AGBL4: variants seen among roughly 807,000 people sequenced by gnomAD.
The protein encoded by AGBL4 is AGBL carboxypeptidase 4.
AGBL4 carries 58 observed loss-of-function variants against 66.4 expected under a neutral mutation model. The observed-to-expected ratio is 0.87, with a 90% CI of 0.71 to 1.09. The LOEUF is 1.09. AGBL4 is among the 50% of genes least tolerant of loss of function. The pLI, the probability that AGBL4 is intolerant of heterozygous loss-of-function variation, is 0.00. For synonymous variants in AGBL4, 234 were observed against 222.9 expected (o/e 1.05, Z -0.44); for missense variants, 579 against 631.0 (o/e 0.92, Z 0.88).
intron 1 of AGBL4, among the ~76,000 whole-genome samples, chr1:49,860,764 C>T (rs1325121520): frequency 1.3e-5 from 2 of 149,926 alleles, no homozygotes; most frequent in Non-Finnish European, 3.0e-5. Context: ...ATCCCCTTCC[C>T]CAGCAAAAAA....
intron 5 of AGBL4, among the ~76,000 whole-genome samples, chr1:49,002,415 C>T (rs899704909): frequency 6.6e-6 from 1 of 152,138 alleles, no homozygotes; most frequent in Admixed American, 6.5e-5. Flanking sequence ...CTTATTCTAT[C>T]GTAAAACTAA....
chr1:48,540,782 T>C (rs1408640595), intron 11 of AGBL4, among the ~76,000 whole-genome samples: 1 of 152,140 alleles, frequency 6.6e-6, no homozygotes, highest in Non-Finnish European at 1.5e-5. Flanking sequence ...CTTGAATGTT[T>C]TCACTTCTTT....
chr1:49,257,823 C>T (rs1191336177), intron 3 of AGBL4, among the ~76,000 whole-genome samples: 2 of 152,160 alleles, frequency 1.3e-5, no homozygotes, highest in East Asian at 1.9e-4. Flanking sequence ...TCCTCCAGCA[C>T]GGAGCTGGAG....
chr1:48,550,959 A>G (rs748700306), intron 11 of AGBL4, among the ~76,000 whole-genome samples: 1 of 152,220 alleles, frequency 6.6e-6, no homozygotes, highest in Non-Finnish European at 1.5e-5. Flanking sequence ...CTGCTATTGC[A>G]TTGTTCAGAT....
At chr1:49,902,379 G>C (rs951596824) in intron 1 of AGBL4, among the ~76,000 whole-genome samples, 1 of 152,152 alleles carries the variant, frequency 6.6e-6, no homozygotes, top group Non-Finnish European at 1.5e-5. Flanking sequence ...CAAAGGATAT[G>C]AACACTTTTC....
chr1:49,688,441 T>C (rs1186950303), intron 3 of AGBL4, among the ~76,000 whole-genome samples: 2 of 152,218 alleles, frequency 1.3e-5, no homozygotes, highest in South Asian at 2.1e-4. Context: ...TAGTACTCCA[T>C]TGTGTAGGTG....
At chr1:49,291,562 G>A (rs533144092) in intron 3 of AGBL4, among the ~76,000 whole-genome samples, 1 of 152,182 alleles carries the variant, frequency 6.6e-6, no homozygotes, top group Admixed American at 6.5e-5. Context: ...AGTATATCTG[G>A]TATTATTTCA....
chr1:49,359,885 G>A (rs1179705653), intron 3 of AGBL4, among the ~76,000 whole-genome samples: 1 of 152,028 alleles, frequency 6.6e-6, no homozygotes, highest in Non-Finnish European at 1.5e-5. Flanking sequence ...CGGTATCCTG[G>A]GACATAGTAC....
chr1:48,782,889 C>T (rs1451877490), intron 6 of AGBL4, among the ~76,000 whole-genome samples: 4 of 152,314 alleles, frequency 2.6e-5, no homozygotes, highest in East Asian at 3.9e-4. Flanking sequence ...ACTAACTTCA[C>T]TGTCTTAAAA....
intron 6 of AGBL4, among the ~76,000 whole-genome samples, chr1:48,765,077 A>G (rs1430190014): frequency 6.6e-6 from 1 of 151,974 alleles, no homozygotes; most frequent in African/African-American, 2.4e-5. Context: ...GCTTCCACTC[A>G]TCTCCTCCCT....
chr1:49,802,830 C>G (rs190950104), intron 2 of AGBL4, among the ~76,000 whole-genome samples: 1 of 152,184 alleles, frequency 6.6e-6, no homozygotes, highest in Non-Finnish European at 1.5e-5. Context: ...AGCCCCATTG[C>G]ATTGTGGGCT....
intron 3 of AGBL4, among the ~76,000 whole-genome samples, chr1:49,584,495 T>C (rs1036287930): frequency 2.0e-5 from 3 of 152,180 alleles, no homozygotes; most frequent in East Asian, 3.9e-4. Flanking sequence ...ACTTGTTTCA[T>C]AGTGGTTTCT....
chr1:48,639,453 A>T (rs1323703623), intron 8 of AGBL4, among the ~76,000 whole-genome samples: 1 of 152,194 alleles, frequency 6.6e-6, no homozygotes, highest in Non-Finnish European at 1.5e-5. Context: ...TGTAAAATGG[A>T]ATGCTATACT....
At chr1:49,394,966 A>G (rs1644927351) in intron 3 of AGBL4, among the ~76,000 whole-genome samples, 1 of 152,142 alleles carries the variant, frequency 6.6e-6, no homozygotes, top group Non-Finnish European at 1.5e-5. Flanking sequence ...ATTAAGCCAA[A>G]CCATCAATCT....
intron 2 of AGBL4, among the ~76,000 whole-genome samples, chr1:49,724,689 T>C (rs1319430566): frequency 6.6e-6 from 1 of 152,054 alleles, no homozygotes; most frequent in African/African-American, 2.4e-5. Context: ...AAGGAGGTGA[T>C]TAAAGTTAAA....
chr1:49,232,032 A>G (rs1257464912), intron 4 of AGBL4, among the ~76,000 whole-genome samples: 1 of 152,126 alleles, frequency 6.6e-6, no homozygotes, highest in Non-Finnish European at 1.5e-5. Flanking sequence ...TCAACTTATG[A>G]TGGGTTTATC....
chr1:48,684,288 T>C (rs1019350344), intron 6 of AGBL4, among the ~76,000 whole-genome samples: 1 of 152,226 alleles, frequency 6.6e-6, no homozygotes, highest in African/African-American at 2.4e-5. Context: ...AAGAGAAAGC[T>C]TGCCAAAGAG....
At chr1:48,776,902 C>CG in intron 6 of AGBL4, 2 of 301,138 alleles carry the variant, frequency 6.6e-6, no homozygotes, top group Non-Finnish European at 1.1e-5. Context: ...GGGGATCCGG[C>CG]GGGGGGCGCG....
intron 4 of AGBL4, among the ~76,000 whole-genome samples, chr1:49,114,273 G>C (rs370157646): frequency 1.3e-5 from 2 of 152,172 alleles, no homozygotes; most frequent in Non-Finnish European, 2.9e-5. Context: ...TATGGAGACA[G>C]CTTCTTTCTT....
Sources: allele counts gnomAD v4.1 joint callset (sites outside exome capture counted in the v4.1 genomes callset), GRCh38; gene constraint gnomAD v4.1.1; transcripts MANE v1.5; gene names NCBI Gene and HGNC (gene_info 2026-07-23, HGNC 2026-07-21).